Variants in SHANK2 observed in about 807,000 individuals in gnomAD.
The protein encoded by SHANK2 is SH3 and multiple ankyrin repeat domains 2.
Under a neutral mutation model 133.7 loss-of-function variants are expected in SHANK2, and 43 were observed. That is an observed-to-expected ratio of 0.32 (90% CI 0.25 to 0.41). The LOEUF (loss-of-function observed/expected upper bound fraction) is 0.41. Ranked by LOEUF, SHANK2 falls within the 10% of genes least tolerant of loss-of-function variation. SHANK2 has a pLI of 1.00. For missense variants in SHANK2, 1,994 were observed against 2,235.8 expected (o/e 0.89, Z 2.18); for synonymous variants, 1,017 against 952.8 (o/e 1.07, Z -1.24).
chr11:70,666,423 C>T (rs1944678966), intron 15 of SHANK2, among the ~76,000 whole-genome samples: 1 of 152,142 alleles, frequency 6.6e-6, no homozygotes, highest in South Asian at 2.1e-4. Context: ...TAGGAAGGGG[C>T]CTTTCTGGAG....
chr11:70,573,587 A>T (rs1006690945), intron 17 of SHANK2, among the ~76,000 whole-genome samples: 11 of 151,792 alleles, frequency 7.2e-5, no homozygotes, highest in Non-Finnish European at 1.5e-4. Context: ...TATAAAGAAA[A>T]TAGGAGTTAC....
chr11:70,618,978 T>A (rs1300310622), intron 17 of SHANK2, among the ~76,000 whole-genome samples: 1 of 152,182 alleles, frequency 6.6e-6, no homozygotes, highest in Non-Finnish European at 1.5e-5. Flanking sequence ...GGGTGAATCA[T>A]TGCAGGTGCC....
At chr11:71,201,632 C>A (rs1954022635) in intron 2 of SHANK2, among the ~76,000 whole-genome samples, 2 of 152,218 alleles carry the variant, frequency 1.3e-5, no homozygotes, top group South Asian at 4.1e-4. Flanking sequence ...TGACTATTCC[C>A]ATTTTACAGA....
chr11:70,496,384 G>A (rs1264385211), intron 21 of SHANK2, among the ~76,000 whole-genome samples: 5 of 152,138 alleles, frequency 3.3e-5, no homozygotes, highest in African/African-American at 4.8e-5. Context: ...TCTGCTGCCC[G>A]GCCTCCCTGG....
chr11:71,076,823 C>T (rs1323151649), intron 8 of SHANK2, among the ~76,000 whole-genome samples: 1 of 152,228 alleles, frequency 6.6e-6, no homozygotes, highest in African/African-American at 2.4e-5. Flanking sequence ...TAAGGGACGC[C>T]CAGCTGACCT....
intron 14 of SHANK2, among the ~76,000 whole-genome samples, chr11:70,744,880 G>A (rs1555035641): frequency 6.6e-6 from 1 of 152,160 alleles, no homozygotes; most frequent in Non-Finnish European, 1.5e-5. Flanking sequence ...GCACTGTCTT[G>A]CTCCCCACCA....
At chr11:71,086,749 T>C (rs1180235110) in intron 8 of SHANK2, among the ~76,000 whole-genome samples, 1 of 151,922 alleles carries the variant, frequency 6.6e-6, no homozygotes, top group Non-Finnish European at 1.5e-5. Context: ...CTTATGAGGA[T>C]GATCTGGGAG....
intron 15 of SHANK2, among the ~76,000 whole-genome samples, chr11:70,680,671 CCAG>C (rs1297032329): frequency 6.6e-6 from 1 of 152,160 alleles, no homozygotes; most frequent in Non-Finnish European, 1.5e-5. Flanking sequence ...CTCACAGGCC[CCAG>C]GGGTTAGGAC....
intron 15 of SHANK2, among the ~76,000 whole-genome samples, chr11:70,679,520 C>T (rs151336416): frequency 6.6e-5 from 10 of 152,358 alleles, no homozygotes; most frequent in African/African-American, 2.2e-4. Flanking sequence ...CGGAGGCTTC[C>T]AGCCATCAGC....
chr11:71,135,637 G>A (rs1227177934), intron 3 of SHANK2, among the ~76,000 whole-genome samples: 3 of 151,992 alleles, frequency 2.0e-5, no homozygotes, highest in Non-Finnish European at 4.4e-5. Flanking sequence ...TGTATTTTCA[G>A]TAAAGATGGG....
chr11:70,477,738 T>TG (rs1177814003), intron 25 of SHANK2: 17 of 152,228 alleles, frequency 1.1e-4, no homozygotes, highest in African/African-American at 4.1e-4. Context: ...GCCAGTGTCC[T>TG]GCCCCACATT....
intron 3 of SHANK2, among the ~76,000 whole-genome samples, chr11:71,127,889 T>C (rs1460290032): frequency 1.3e-5 from 2 of 152,188 alleles, no homozygotes; most frequent in Admixed American, 6.5e-5. Context: ...TCAGAAGACA[T>C]ATTCCCTTTG....
intron 2 of SHANK2, among the ~76,000 whole-genome samples, chr11:71,149,291 A>C (rs1590959638): frequency 6.6e-6 from 1 of 152,184 alleles, no homozygotes. Context: ...TCATCACTAG[A>C]GACAGCTTTA....
intron 10 of SHANK2, chr11:70,911,024 G>A (rs1555078901): frequency 4.4e-6 from 2 of 457,080 alleles, no homozygotes; most frequent in South Asian, 3.1e-5. Context: ...AACGAAGGGG[G>A]TGCTCCTGTA....
chr11:70,695,244 T>A (rs1290506778), intron 15 of SHANK2, among the ~76,000 whole-genome samples: 1 of 152,078 alleles, frequency 6.6e-6, no homozygotes, highest in Non-Finnish European at 1.5e-5. Flanking sequence ...TGGTGTCGGT[T>A]GCACAACACA....
rs1555052144 is a variant in SHANK2 at position 70,807,174 on chromosome 11, G to A, written c.1494-3C>T. 9 of 716,722 alleles carry A rather than the reference G, an allele frequency of 1.3e-5. No homozygotes were observed. The Admixed American group carries it at 1.6e-4, about 13-fold the overall frequency. The allele number at this position is 716,722 out of a possible 1,614,324, so 44.4% of individuals were successfully genotyped here. ...TGGCACCAAGAGCAAAAGGCGACCT[G>A]GACCAGGTGAGAGGGGCAGAGAGAG... On this transcript the variant is annotated splice_polypyrimidine_tract_variant and splice_region_variant and intron_variant, in intron 12 of 25. Transcript: ENST00000601538. This position sits in a 1 kb window ranked among gnomAD's most constrained non-coding sequence, Gnocchi z 4.8.
At chr11:70,764,722 A>T (rs1947080119) in intron 14 of SHANK2, among the ~76,000 whole-genome samples, 1 of 151,228 alleles carries the variant, frequency 6.6e-6, no homozygotes. Flanking sequence ...TCATCCATCC[A>T]TCCATCTACC....
At chr11:70,531,389 G>A (rs1258542816) in intron 17 of SHANK2, among the ~76,000 whole-genome samples, 1 of 152,186 alleles carries the variant, frequency 6.6e-6, no homozygotes, top group Non-Finnish European at 1.5e-5. Flanking sequence ...ATGCACCCAC[G>A]CGCCCGGGGG....
chr11:71,247,609 C>T (rs1271661794), intron 1 of SHANK2, among the ~76,000 whole-genome samples: 1 of 152,030 alleles, frequency 6.6e-6, no homozygotes, highest in Non-Finnish European at 1.5e-5. Flanking sequence ...TGGGGGGTCT[C>T]TGGTGAGGCC....
Sources: allele counts gnomAD v4.1 joint callset (sites outside exome capture counted in the v4.1 genomes callset), GRCh38; gene constraint gnomAD v4.1.1; non-coding constraint Gnocchi (gnomAD v3.1); transcripts MANE v1.5; gene names NCBI Gene and HGNC (gene_info 2026-07-23, HGNC 2026-07-21).